The following CEP295 variants were observed in gnomAD, a reference collection of about 807,000 sequenced individuals.
The protein encoded by CEP295 is centrosomal protein of 295 kDa.
Under a neutral mutation model 291.6 loss-of-function variants are expected in CEP295, and 190 were observed. The ratio of observed to expected loss-of-function variants is 0.65; its 90% confidence interval spans 0.58 to 0.73. The LOEUF (loss-of-function observed/expected upper bound fraction) is 0.73, where lower values mean the gene tolerates loss of function less well. Ranked by LOEUF, CEP295 falls within the 30% of genes least tolerant of loss-of-function variation. The pLI is 0.00. For synonymous variants in CEP295, 993 were observed against 1,038.8 expected (o/e 0.96, Z 0.85); for missense variants, 2,863 against 2,949.4 (o/e 0.97, Z 0.68).
rs886272722 is a variant in CEP295, at chr11:93,699,844, T to C, written c.4932T>C (p.Ser1644=). The C allele has an allele frequency of 4.5e-6, 7 of 1,552,144 alleles. No homozygotes were observed. Among genetic ancestry groups the C allele is most frequent in the Non-Finnish European group, 5.2e-6 (6 of 1,147,114 alleles). The change falls in exon 15 of 30, where the codon TCT becomes TCC. Residue 1644 remains serine, a synonymous_variant. Coordinates refer to ENST00000325212, the MANE Select transcript of CEP295 (RefSeq NM_033395.2). ...KSESAEHTIP[S]LFLPKETEHS... is the part of the protein sequence containing the mutation. ...AATCTGCTGAGCATACTATCCCCTC[T>C]TTGTTTCTACCCAAGGAAACAGAGC...
chr11:93,667,570 C>T, intron 2 of CEP295, 37 bp from the exon 3 acceptor site: 7 of 1,439,370 alleles, frequency 4.9e-6, no homozygotes, highest in South Asian at 2.8e-5. Flanking sequence ...TTAAGTAAAC[C>T]TCCTTTCATA....
At chr11:93,719,311 A>T (rs987981419) in intron 18 of CEP295, among the ~76,000 whole-genome samples, 1 of 140,688 alleles carries the variant, frequency 7.1e-6, no homozygotes, top group Non-Finnish European at 1.5e-5. Flanking sequence ...ACTGTTGCCC[A>T]GGCTAGAGTG....
Position 93,663,521 on chromosome 11 carries a change from T to C in CEP295, c.-27+1747T>C, listed in dbSNP as rs148043951. Among the ~76,000 whole-genome samples, 1,286 of 152,314 alleles carry C rather than the reference T, an allele frequency of 8.4e-3. 13 individuals carry two copies. Among genetic ancestry groups the C allele is most frequent in the African/African-American group, 0.029 (1,200 of 41,564 alleles). The stretch of plus-strand genomic sequence containing the variant: ...CAGAAAATAGACATTAGTGTGATAA[T>C]TGACAAAAATTGAATACTGCCTGTA... On this transcript the variant is annotated intron_variant, in intron 1 of 29. Coordinates refer to ENST00000325212, the MANE Select transcript of CEP295 (RefSeq NM_033395.2).
At chr11:93,690,124 G>A (rs957300012) in intron 10 of CEP295, among the ~76,000 whole-genome samples, 3 of 152,178 alleles carry the variant, frequency 2.0e-5, no homozygotes, top group Admixed American at 1.3e-4. Flanking sequence ...TTTTGATAAA[G>A]GGCCTGGCTG....
Position 93,730,041 on chromosome 11 carries a change from C to A in CEP295, c.7668-8C>A, listed in dbSNP as rs554785525. The A allele has an allele frequency of 7.3e-6, 11 of 1,513,556 alleles. No homozygotes were observed. Among genetic ancestry groups the A allele is most frequent in the African/African-American group, 5.8e-5 (4 of 68,974 alleles). The allele number at this position is 1,513,556 out of a possible 1,614,324, so 93.8% of individuals were successfully genotyped here. On this transcript the variant is annotated splice_polypyrimidine_tract_variant and splice_region_variant and intron_variant, in intron 28 of 29. Transcript: ENST00000325212. ...GTTTGTCTCTAATTCTATATAAATTCTTTACAGGTTATACAATCAACTAGC... is the reference window on the plus strand; with the variant it reads ...GTTTGTCTCTAATTCTATATAAATTATTTACAGGTTATACAATCAACTAGC...
At chr11:93,715,487 G>C (rs543763601) in intron 18 of CEP295, among the ~76,000 whole-genome samples, 3 of 152,100 alleles carry the variant, frequency 2.0e-5, no homozygotes, top group Admixed American at 1.3e-4. Flanking sequence ...CCCCACTGTG[G>C]CCAAGCTGGT....
intron 19 of CEP295, chr11:93,721,665 GGTGTGTGTGTGTGTGT>G (rs59894789): frequency 1.8e-5 from 11 of 607,008 alleles, no homozygotes; most frequent in Admixed American, 4.1e-5. Flanking sequence ...GCATATGTCT[GGTGTGTGTGTGTGTGT>G]GTGTGTGTGT....
At chr11:93,728,618 AC>A in intron 24 of CEP295, 62 bp from the exon 25 acceptor site, 1 of 1,421,796 alleles carries the variant, frequency 7.0e-7, no homozygotes. Context: ...TATATACAAA[AC>A]GATTAGTTTA....
At chr11:93,729,398 TAA>T (rs561791521) in intron 25 of CEP295, 34 bp from the exon 26 acceptor site, 46 of 1,424,996 alleles carry the variant, frequency 3.2e-5, no homozygotes, top group Middle Eastern at 3.6e-4. Context: ...TTAAAGCGTT[TAA>T]AAAGAGTAAA....
intron 7 of CEP295, among the ~76,000 whole-genome samples, chr11:93,681,871 T>G (rs1950989925): frequency 6.6e-6 from 1 of 151,458 alleles, no homozygotes; most frequent in Admixed American, 6.6e-5. Context: ...TTTTTTTTTT[T>G]TAACCTCCCC....
chr11:93,675,537 C>CT (rs1193627340), intron 5 of CEP295, 34 bp from the exon 6 acceptor site: 1 of 1,187,390 alleles, frequency 8.4e-7, no homozygotes. Context: ...AAAATTAATG[C>CT]TTTTAACCTA....
chr11:93,683,447 G>T, intron 7 of CEP295, 112 bp from the exon 8 acceptor site: 2 of 705,488 alleles, frequency 2.8e-6, no homozygotes, highest in Non-Finnish European at 4.5e-6. Flanking sequence ...AAATAATAGA[G>T]GAGAGGAGAG....
At chr11:93,683,318 A>ACTTATTT (rs1284482400) in intron 7 of CEP295, among the ~76,000 whole-genome samples, 9 of 152,274 alleles carry the variant, frequency 5.9e-5, no homozygotes, top group South Asian at 2.1e-4. Context: ...ACATAACACT[A>ACTTATTT]CTTATTTGTT....
intron 6 of CEP295, among the ~76,000 whole-genome samples, chr11:93,678,278 A>G (rs1447245251): frequency 6.6e-6 from 1 of 152,212 alleles, no homozygotes; most frequent in African/African-American, 2.4e-5. Flanking sequence ...ATACATATTG[A>G]TATACTAAAT....
At chr11:93,709,554 G>A (rs899137843) in intron 18 of CEP295, among the ~76,000 whole-genome samples, 4 of 152,232 alleles carry the variant, frequency 2.6e-5, no homozygotes, top group African/African-American at 9.6e-5. Flanking sequence ...CTGTTGCTCT[G>A]TAGTATAATT....
intron 5 of CEP295, among the ~76,000 whole-genome samples, chr11:93,674,455 A>G (rs1282411845): frequency 1.3e-5 from 2 of 152,272 alleles, no homozygotes; most frequent in East Asian, 3.9e-4. Context: ...AGTCCTAGCT[A>G]TGGTAGGCCG....
chr11:93,725,324 C>T (rs1391519657), intron 22 of CEP295, among the ~76,000 whole-genome samples: 2 of 151,654 alleles, frequency 1.3e-5, no homozygotes, highest in Non-Finnish European at 2.9e-5. Flanking sequence ...GAGTATGATG[C>T]CATAAAAGGC....
chr11:93,666,688 C>G lies in CEP295; in HGVS notation c.-20C>G. ...TTTTCCTTTTTGAATTCAGAACTGTCATACATAAAGTACACAGAAATGAAG... is the reference window on the plus strand; with the variant it reads ...TTTTCCTTTTTGAATTCAGAACTGTGATACATAAAGTACACAGAAATGAAG... On this transcript the variant is annotated 5_prime_UTR_variant, in exon 2 of 30. Transcript: ENST00000325212. The G allele has an allele frequency of 8.0e-7, 1 of 1,255,212 alleles. No individual in the cohort carries two copies. Among genetic ancestry groups the G allele is most frequent in the Non-Finnish European group, 1.1e-6 (1 of 891,418 alleles). The allele number at this position is 1,255,212 out of a possible 1,614,324, so 77.8% of individuals were successfully genotyped here.
chr11:93,666,585 C>T lies in CEP295; in HGVS notation c.-26-97C>T, dbSNP rs1950216747. On this transcript the variant is annotated intron_variant, in intron 1 of 29. Coordinates refer to ENST00000325212, the MANE Select transcript of CEP295 (RefSeq NM_033395.2). Reference sequence around the variant, plus strand: ...CTCCAGCCTGGGTGACAGAGCAAGACTCTGTCTCAAAAAAAAACAAACAAA... The same window carrying T: ...CTCCAGCCTGGGTGACAGAGCAAGATTCTGTCTCAAAAAAAAACAAACAAA... The T allele has an allele frequency of 7.1e-6, 4 of 567,140 alleles. No individual in the cohort carries two copies. In the East Asian group the frequency reaches 1.1e-4, roughly 16 times the overall value. 35.1% of individuals were successfully genotyped at this position (567,140 alleles called of 1,614,324 possible).
Sources: gnomAD v4.1 joint callset for allele counts (sites outside exome capture counted in the v4.1 genomes callset) on GRCh38, gnomAD v4.1.1 for gene constraint, MANE v1.5 for transcripts, NCBI Gene and HGNC (gene_info 2026-07-23, HGNC 2026-07-21) for gene names.